Variants in MYO5B observed in about 807,000 individuals in gnomAD.
The protein encoded by MYO5B is myosin VB.
A neutral mutation model predicts 229.3 loss-of-function variants in MYO5B; 143 were observed. That is an observed-to-expected ratio of 0.62 (90% confidence interval 0.54 to 0.72). The LOEUF (loss-of-function observed/expected upper bound fraction) is 0.72, where lower values mean the gene tolerates loss of function less well. MYO5B is among the 30% of genes least tolerant of loss of function. MYO5B has a pLI of 0.00. For missense variants in MYO5B, 2,321 were observed against 2,331.0 expected (o/e 1.00, Z 0.09); for synonymous variants, 918 against 885.2 (o/e 1.04, Z -0.66).
In MYO5B at chr18:49,831,446, A is replaced by T. The variant is rs148433792; in HGVS notation, c.5394+3898T>A. Among the ~76,000 whole-genome samples, 972 of 152,354 alleles carry T rather than the reference A, an allele frequency of 6.4e-3. 5 individuals carry two copies. The highest frequency in any genetic ancestry group is 0.023 in the African/African-American group (950 of 41,580). On this transcript the variant is annotated intron_variant, in intron 39 of 39. Transcript: ENST00000285039. ...AAAAAGACAATAATCTAATTTAAAA[A>T]TGAATTAAATACTGGAATAGATATT...
At chr18:50,072,586 AAT>A (rs2030983682) in intron 1 of MYO5B, among the ~76,000 whole-genome samples, 3 of 152,200 alleles carry the variant, frequency 2.0e-5, no homozygotes, top group Non-Finnish European at 4.4e-5. Context: ...AAAAGAGAAT[AAT>A]TCCAATCAGA....
intron 16 of MYO5B, among the ~76,000 whole-genome samples, chr18:49,933,647 G>T (rs2025218445): frequency 6.6e-6 from 1 of 152,108 alleles, no homozygotes; most frequent in Admixed American, 6.5e-5. Context: ...GTGGGTAGAG[G>T]CCAAGGATGC....
chr18:50,084,647 T>C (rs1010119836), intron 1 of MYO5B, among the ~76,000 whole-genome samples: 1 of 152,200 alleles, frequency 6.6e-6, no homozygotes, highest in Admixed American at 6.5e-5. Context: ...GGCATCACGC[T>C]ACCTGACTTC....
At chr18:49,994,418 A>C (rs1047124011) in intron 5 of MYO5B, among the ~76,000 whole-genome samples, 1 of 152,226 alleles carries the variant, frequency 6.6e-6, no homozygotes, top group Non-Finnish European at 1.5e-5. Flanking sequence ...GTCTTGCAAA[A>C]ACCAGTTGGA....
chr18:49,851,206 T>C (rs566920477), intron 31 of MYO5B: 2 of 152,260 alleles, frequency 1.3e-5, no homozygotes, highest in African/African-American at 4.8e-5. Context: ...AGCTCTGACA[T>C]CTCAGTCATC....
intron 2 of MYO5B, among the ~76,000 whole-genome samples, chr18:50,051,756 G>A (rs930408533): frequency 7.2e-5 from 11 of 152,202 alleles, no homozygotes; most frequent in African/African-American, 2.4e-4. Context: ...CATTATGCCA[G>A]GTGAAATAAG....
intron 1 of MYO5B, among the ~76,000 whole-genome samples, chr18:50,136,938 T>C (rs2032345361): frequency 6.6e-6 from 1 of 152,212 alleles, no homozygotes; most frequent in South Asian, 2.1e-4. Context: ...GGCCCTGTTA[T>C]AGGCACTTGT....
chr18:49,980,551 C>G lies in MYO5B; in HGVS notation c.949G>C (p.Val317Leu). The change falls in exon 9 of 40, where the codon GTG becomes CTG. Residue 317 changes from valine (V) to leucine (L), a missense_variant and splice_region_variant. Val to Leu is a conservative substitution (Grantham distance 32, BLOSUM62 1). Around this residue, in one of 2 missense-constraint regions of MYO5B, gnomAD observed 2,113 missense variants for 2,044.7 expected, o/e 1.03. Transcript: ENST00000285039. The stretch of plus-strand genomic sequence containing the variant: ...ATGCTCATCTGATGGGACTCTTTCA[C>G]TCCTGGAAAAGAAAAATGAATGGAT... ...KTRQAFTLLG[V>L]KESHQMSIFK... 1 of 1,605,710 alleles carries G rather than the reference C, an allele frequency of 6.2e-7. No homozygotes were observed.
intron 1 of MYO5B, among the ~76,000 whole-genome samples, chr18:50,147,830 A>G (rs1199596465): frequency 6.6e-6 from 1 of 152,206 alleles, no homozygotes; most frequent in African/African-American, 2.4e-5. Context: ...TCAATAAGCA[A>G]CTACCTTGCC....
chr18:50,160,299 A>C (rs1190692769), intron 1 of MYO5B, among the ~76,000 whole-genome samples: 1 of 152,116 alleles, frequency 6.6e-6, no homozygotes, highest in African/African-American at 2.4e-5. Context: ...TGTGGAGCAG[A>C]CTCTCTAAGG....
chr18:49,984,219 C>T (rs1269159364), intron 8 of MYO5B, among the ~76,000 whole-genome samples: 3 of 152,162 alleles, frequency 2.0e-5, no homozygotes, highest in Non-Finnish European at 4.4e-5. Context: ...TGAAGGATTC[C>T]AACGCTAAAG....
intron 1 of MYO5B, among the ~76,000 whole-genome samples, chr18:50,123,565 A>C (rs2032106140): frequency 6.6e-6 from 1 of 152,112 alleles, no homozygotes; most frequent in Non-Finnish European, 1.5e-5. Flanking sequence ...CATCTCTGCA[A>C]AAAATATAAA....
At chr18:49,964,174 T>G (rs2025595102) in intron 10 of MYO5B, among the ~76,000 whole-genome samples, 1 of 152,234 alleles carries the variant, frequency 6.6e-6, no homozygotes, top group African/African-American at 2.4e-5. Flanking sequence ...AAGGTAGAAG[T>G]AAATTAACTC....
intron 2 of MYO5B, among the ~76,000 whole-genome samples, chr18:50,042,317 C>T (rs571217578): frequency 6.6e-6 from 1 of 152,184 alleles, no homozygotes; most frequent in Non-Finnish European, 1.5e-5. Flanking sequence ...AAAAAGTATC[C>T]TATAGGAATA....
chr18:49,868,625 C>T (rs1473681199), intron 27 of MYO5B, among the ~76,000 whole-genome samples: 2 of 152,240 alleles, frequency 1.3e-5, no homozygotes, highest in Non-Finnish European at 2.9e-5. Context: ...GCTACCAGGC[C>T]TGTCTCAGGC....
chr18:50,097,442 T>A (rs2031574159), intron 1 of MYO5B: 3 of 349,606 alleles, frequency 8.6e-6, no homozygotes, highest in Non-Finnish European at 1.7e-5. Flanking sequence ...GGGCCACATA[T>A]AACATAAAAT....
At chr18:49,944,722 C>A (rs1237663038) in intron 14 of MYO5B, among the ~76,000 whole-genome samples, 1 of 152,154 alleles carries the variant, frequency 6.6e-6, no homozygotes. Flanking sequence ...CATCCCCTGG[C>A]TTCTATCCAC....
At chr18:49,975,181 C>T (rs910845328) in intron 9 of MYO5B, among the ~76,000 whole-genome samples, 1 of 152,204 alleles carries the variant, frequency 6.6e-6, no homozygotes, top group African/African-American at 2.4e-5. Context: ...TGCCTTTGAC[C>T]CGACCCATCT....
intron 1 of MYO5B, among the ~76,000 whole-genome samples, chr18:50,192,044 G>T (rs1163112395): frequency 6.7e-6 from 1 of 149,878 alleles, no homozygotes; most frequent in African/African-American, 2.5e-5. Flanking sequence ...GATGAAGCCT[G>T]TACCAGCAGA....
Sources: gnomAD v4.1 joint callset for allele counts (sites outside exome capture counted in the v4.1 genomes callset) on GRCh38, gnomAD v4.1.1 for gene constraint, gnomAD v4.1.1 regional missense constraint, MANE v1.5 for transcripts, NCBI Gene and HGNC (gene_info 2026-07-23, HGNC 2026-07-21) for gene names.